PTPRJ: variants seen among roughly 807,000 people sequenced by gnomAD.
PTPRJ encodes receptor-type tyrosine-protein phosphatase eta.
Under a neutral mutation model 141.3 loss-of-function variants are expected in PTPRJ, and 129 were observed. The observed-to-expected ratio is 0.91, with a 90% confidence interval of 0.79 to 1.06. PTPRJ has a LOEUF of 1.06. PTPRJ is among the 50% of genes least tolerant of loss of function. PTPRJ has a pLI of 0.00. For synonymous variants in PTPRJ, 610 were observed against 640.5 expected, an observed-to-expected ratio of 0.95 and a Z score of 0.72; for missense variants, 1,601 against 1,679.7, an observed-to-expected ratio of 0.95 and a Z score of 0.82.
chr11:48,003,718 A>G (rs1345377240), intron 1 of PTPRJ, among the ~76,000 whole-genome samples: 1 of 152,056 alleles, frequency 6.6e-6, no homozygotes, highest in Non-Finnish European at 1.5e-5. Flanking sequence ...CTGGTCTCGA[A>G]CTCCTGACCA....
At chr11:48,057,911 CTT>C (rs397947207) in intron 1 of PTPRJ, among the ~76,000 whole-genome samples, 1 of 143,656 alleles carries the variant, frequency 7.0e-6, no homozygotes, top group Middle Eastern at 3.5e-3. Context: ...GTCTTCCTGC[CTT>C]TTTTTTTTTT....
chr11:48,131,070 A>ATAT (rs1565318918), intron 8 of PTPRJ, among the ~76,000 whole-genome samples: 4 of 46,568 alleles, frequency 8.6e-5, no homozygotes, highest in South Asian at 1.2e-3. Context: ...ATATATATAT[A>ATAT]TTTTTTTTTT....
At chr11:48,143,080 C>A (rs762595588) in intron 12 of PTPRJ, 30 bp downstream of exon 12, 97 of 1,612,354 alleles carry the variant, frequency 6.0e-5, no homozygotes, top group Admixed American at 1.0e-4. Context: ...GGTTAAACAG[C>A]CCATGAGTGA....
At chr11:48,100,129 C>T (rs1401328748) in intron 1 of PTPRJ, among the ~76,000 whole-genome samples, 1 of 152,108 alleles carries the variant, frequency 6.6e-6, no homozygotes, top group African/African-American at 2.4e-5. Context: ...GGTGGGGTGG[C>T]TGCCTTGGGG....
rs1565338067 is a variant in PTPRJ at position 48,168,581 on chromosome 11, T to TATATATATAC, written c.*1220_*1221insTATATATACA. On this transcript the variant is annotated 3_prime_UTR_variant, in exon 25 of 25. Transcript: ENST00000418331. Reference sequence around the variant, plus strand: ...ATATATATATATATATATATATATATACACTAAGCTCTCAAAAACAGTCAT... The same window carrying TATATATATAC: ...ATATATATATATATATATATATATATATATATATACACACTAAGCTCTCAAAAACAGTCAT... 3 of 117,598 alleles carry TATATATATAC rather than the reference T, an allele frequency of 2.6e-5. No individual in the cohort carries two copies. Among genetic ancestry groups the TATATATATAC allele is most frequent in the African/African-American group, 6.4e-5 (2 of 31,422 alleles). 7.3% of individuals were successfully genotyped at this position (117,598 alleles called of 1,614,324 possible).
At chr11:48,163,746 G>A (rs953472367) in intron 23 of PTPRJ, 128 bp downstream of exon 23, 6 of 1,172,234 alleles carry the variant, frequency 5.1e-6, no homozygotes, top group South Asian at 3.0e-5. Context: ...TTTGGATAAG[G>A]AACCATGGAC....
At chr11:48,082,554 T>A (rs1249534525) in intron 1 of PTPRJ, among the ~76,000 whole-genome samples, 1 of 151,760 alleles carries the variant, frequency 6.6e-6, no homozygotes, top group Non-Finnish European at 1.5e-5. Flanking sequence ...CTCCTTAATT[T>A]TTTATTTATT....
chr11:48,004,671 A>G (rs1194623514), intron 1 of PTPRJ, among the ~76,000 whole-genome samples: 3 of 152,134 alleles, frequency 2.0e-5, no homozygotes, highest in Non-Finnish European at 4.4e-5. Flanking sequence ...GCAGGGGGGA[A>G]GACTCATTTG....
intron 1 of PTPRJ, among the ~76,000 whole-genome samples, chr11:48,106,004 A>G (rs997672722): frequency 1.3e-5 from 2 of 152,082 alleles, no homozygotes; most frequent in African/African-American, 4.8e-5. Context: ...AGACTCTTTA[A>G]AACTCTCCTC....
At chr11:48,127,733 T>C in intron 6 of PTPRJ, 47 bp from the exon 7 acceptor site, 1 of 1,592,640 alleles carries the variant, frequency 6.3e-7, no homozygotes, top group Non-Finnish European at 8.6e-7. Flanking sequence ...TCCCTCCCTC[T>C]GCCTTGGCCG....
In PTPRJ at chr11:48,163,452, T is replaced by A. The variant is rs761999536; in HGVS notation, c.3559-6T>A. The stretch of plus-strand genomic sequence containing the variant: ...TCTGGATCTAAATCATTTTCTGGGC[T>A]TTTAGATCCAGACAAGTGAGAGTCA... On this transcript the variant is annotated splice_polypyrimidine_tract_variant and splice_region_variant and intron_variant, in intron 22 of 24. Coordinates refer to ENST00000418331, the MANE Select transcript of PTPRJ (RefSeq NM_002843.4). 6.2e-7 allele frequency: 1 copy of A among 1,613,380 alleles called. No individual in the cohort carries two copies. Among genetic ancestry groups the A allele is most frequent in the Non-Finnish European group, 8.5e-7 (1 of 1,179,554 alleles).
chr11:47,987,131 C>T (rs1307092887), intron 1 of PTPRJ, among the ~76,000 whole-genome samples: 1 of 151,898 alleles, frequency 6.6e-6, no homozygotes, highest in East Asian at 1.9e-4. Flanking sequence ...TGGCTTGAGC[C>T]CTGGGAGGTT....
Position 48,153,863 on chromosome 11 carries a change from A to C in PTPRJ, c.3206A>C (p.Asn1069Thr), listed in dbSNP as rs373299056. 1.2e-6 allele frequency: 2 copies of C among 1,613,082 alleles called. No homozygotes were observed. The highest frequency in any genetic ancestry group is 1.7e-6 in the Non-Finnish European group (2 of 1,179,074). ...AAELAENRGK[N>T]RYNNVLPYDI... ...GAACTGGCTGAGAATAGAGGAAAGAATCGCTATAATAATGTTCTGCCCTGT... is the reference window on the plus strand; with the variant it reads ...GAACTGGCTGAGAATAGAGGAAAGACTCGCTATAATAATGTTCTGCCCTGT... The change falls in exon 19 of 25, where the codon AAT (asparagine) becomes ACT (threonine). Residue 1069 changes from asparagine (N) to threonine (T), a missense_variant. Physicochemically the swap from Asn to Thr is moderately conservative, Grantham distance 65. Transcript: ENST00000418331.
At position 48,167,867 on chromosome 11, in the gene PTPRJ, C is replaced by G. The variant is rs929443053; in HGVS notation, c.*505C>G. On this transcript the variant is annotated 3_prime_UTR_variant, in exon 25 of 25. Coordinates refer to ENST00000418331, the MANE Select transcript of PTPRJ (RefSeq NM_002843.4). The stretch of plus-strand genomic sequence containing the variant: ...GTGGCACCTCTTCCGAATGGGTTTT[C>G]TATTTGAACATGTGCCTTTTCTGAA... 1.3e-5 allele frequency: 2 copies of G among 152,296 alleles called. No individual in the cohort carries two copies. Among genetic ancestry groups the G allele is most frequent in the Non-Finnish European group, 2.9e-5 (2 of 68,210 alleles). 9.4% of individuals were successfully genotyped at this position (152,296 alleles called of 1,614,324 possible).
At position 48,149,984 on chromosome 11, in the gene PTPRJ, A is replaced by T; in HGVS notation, c.3042-6A>T. Reference sequence around the variant, plus strand: ...CATATTTTTTCTTTCCCTTTCTATCATGAAGACCTAAAAAGTGAGTAATCT... The same window carrying T: ...CATATTTTTTCTTTCCCTTTCTATCTTGAAGACCTAAAAAGTGAGTAATCT... On this transcript the variant is annotated splice_region_variant and splice_polypyrimidine_tract_variant and intron_variant, in intron 16 of 24. Transcript: ENST00000418331. The T allele has an allele frequency of 2.7e-6, 4 of 1,461,898 alleles. No homozygotes were observed. Among genetic ancestry groups the T allele is most frequent in the African/African-American group, 1.4e-5 (1 of 70,804 alleles). The allele number at this position is 1,461,898 out of a possible 1,614,324, so 90.6% of individuals were successfully genotyped here.
intron 1 of PTPRJ, among the ~76,000 whole-genome samples, chr11:48,023,152 CA>C (rs907337529): frequency 2.0e-5 from 3 of 151,230 alleles, no homozygotes; most frequent in Non-Finnish European, 3.0e-5. Context: ...AGTAAGAAAA[CA>C]AGGAGAAAAA....
intron 1 of PTPRJ, among the ~76,000 whole-genome samples, chr11:48,062,876 G>A (rs1854976635): frequency 6.6e-6 from 1 of 152,234 alleles, no homozygotes; most frequent in Admixed American, 6.5e-5. Context: ...TCTCTGCCTG[G>A]ATAGAGGCAG....
At chr11:47,996,334 C>CAAAAA (rs1292092161) in intron 1 of PTPRJ, among the ~76,000 whole-genome samples, 1 of 56,206 alleles carries the variant, frequency 1.8e-5, no homozygotes, top group Non-Finnish European at 3.7e-5. Context: ...GACTCTGTCT[C>CAAAAA]AAAAAAAAAA....
intron 12 of PTPRJ, 115 bp downstream of exon 12, chr11:48,143,165 A>G: frequency 7.2e-7 from 1 of 1,381,490 alleles, no homozygotes; most frequent in Admixed American, 2.2e-5. Flanking sequence ...TTCTCACTGC[A>G]GCCTATGCTG....
Sources: gnomAD v4.1 joint callset for allele counts (sites outside exome capture counted in the v4.1 genomes callset) on GRCh38, gnomAD v4.1.1 for gene constraint, MANE v1.5 for transcripts, NCBI Gene and HGNC (gene_info 2026-07-23, HGNC 2026-07-21) for gene names.